LAMA2: variants seen among roughly 807,000 people sequenced by gnomAD.
The protein encoded by LAMA2 is laminin subunit alpha 2, also known as laminin subunit alpha-2.
LAMA2 carries 269 observed loss-of-function variants against 364.8 expected under a neutral mutation model. The ratio of observed to expected loss-of-function variants is 0.74; its 90% CI spans 0.67 to 0.82. The LOEUF is 0.82. Ranked by LOEUF, LAMA2 falls within the 40% of genes least tolerant of loss-of-function variation. LAMA2 has a pLI of 0.00. For synonymous variants in LAMA2, 1,379 were observed against 1,370.6 expected, an observed-to-expected ratio of 1.01 and a Z score of -0.14; for missense variants, 3,807 against 3,873.2, an observed-to-expected ratio of 0.98 and a Z score of 0.45.
intron 4 of LAMA2, among the ~76,000 whole-genome samples, chr6:129,099,642 C>G (rs1277383072): frequency 6.6e-6 from 1 of 152,164 alleles, no homozygotes; most frequent in East Asian, 1.9e-4. Flanking sequence ...TCATGCCCAC[C>G]CCAGCCAATC....
chr6:128,940,988 A>T (rs1486870197), intron 1 of LAMA2, among the ~76,000 whole-genome samples: 3 of 152,170 alleles, frequency 2.0e-5, no homozygotes, highest in African/African-American at 7.2e-5. Flanking sequence ...TTTAATAAGC[A>T]GAATATTAGT....
intron 1 of LAMA2, among the ~76,000 whole-genome samples, chr6:129,043,661 A>G (rs1787262424): frequency 6.6e-6 from 1 of 151,634 alleles, no homozygotes; most frequent in Non-Finnish European, 1.5e-5. Context: ...GTTACTTTTT[A>G]TTGCTTCCTT....
chr6:129,223,204 G>A (rs1490557859), intron 12 of LAMA2, among the ~76,000 whole-genome samples: 1 of 152,038 alleles, frequency 6.6e-6, no homozygotes, highest in African/African-American at 2.4e-5. Flanking sequence ...TTTTTTTCTT[G>A]TAAGTTTGTT....
intron 63 of LAMA2, among the ~76,000 whole-genome samples, 170 bp from the exon 64 acceptor site, chr6:129,514,203 T>C (rs1786836803): frequency 2.0e-5 from 3 of 152,228 alleles, no homozygotes; most frequent in African/African-American, 7.2e-5. Context: ...TGATTAGATT[T>C]ATACTTTAAT....
At chr6:129,069,025 C>A (rs1403056540) in intron 3 of LAMA2, among the ~76,000 whole-genome samples, 1 of 151,890 alleles carries the variant, frequency 6.6e-6, no homozygotes, top group African/African-American at 2.4e-5. Flanking sequence ...ATTTTGGAGA[C>A]CCAGATCCTA....
chr6:129,188,370 T>C (rs1781351423), intron 10 of LAMA2, among the ~76,000 whole-genome samples: 1 of 151,948 alleles, frequency 6.6e-6, no homozygotes, highest in African/African-American at 2.4e-5. Context: ...TCTGCAAATT[T>C]CTAATTGTTG....
chr6:128,935,377 C>T (rs1779755665), intron 1 of LAMA2, among the ~76,000 whole-genome samples: 1 of 152,024 alleles, frequency 6.6e-6, no homozygotes, highest in South Asian at 2.1e-4. Flanking sequence ...CATCCATGTC[C>T]CTGCAAAGGA....
At chr6:129,312,037 AT>A (rs908436643) in intron 22 of LAMA2, among the ~76,000 whole-genome samples, 105 of 144,164 alleles carry the variant, frequency 7.3e-4, no homozygotes, top group African/African-American at 2.9e-3. Flanking sequence ...GAAAAAGAAA[AT>A]TGATTAATTA....
intron 1 of LAMA2, among the ~76,000 whole-genome samples, chr6:128,950,739 TATA>T (rs1780763993): frequency 6.6e-6 from 1 of 152,106 alleles, no homozygotes; most frequent in Non-Finnish European, 1.5e-5. Context: ...TATACATGTA[TATA>T]ATAATACATC....
At chr6:129,515,402 A>G (rs1042858964) in intron 64 of LAMA2, among the ~76,000 whole-genome samples, 16 of 152,234 alleles carry the variant, frequency 1.1e-4, no homozygotes, top group African/African-American at 3.4e-4. Flanking sequence ...TGTTTTAAAA[A>G]GATCTTTTGC....
At chr6:129,241,643 C>G (rs1456569763) in intron 12 of LAMA2, among the ~76,000 whole-genome samples, 2 of 152,162 alleles carry the variant, frequency 1.3e-5, no homozygotes, top group Non-Finnish European at 2.9e-5. Context: ...ACAACCAGCT[C>G]TGGAAAATCT....
intron 1 of LAMA2, among the ~76,000 whole-genome samples, chr6:129,034,541 G>A (rs746648346): frequency 4.0e-5 from 6 of 151,898 alleles, no homozygotes; most frequent in Non-Finnish European, 7.4e-5. Flanking sequence ...TTGTGTAATG[G>A]TGAGGTTTGG....
At chr6:129,038,637 A>G (rs1282249112) in intron 1 of LAMA2, among the ~76,000 whole-genome samples, 4 of 152,014 alleles carry the variant, frequency 2.6e-5, no homozygotes, top group African/African-American at 9.7e-5. Flanking sequence ...TCATTATCTG[A>G]TTTTCCTTAT....
chr6:129,167,904 C>T (rs1453999872), intron 9 of LAMA2, among the ~76,000 whole-genome samples: 1 of 150,608 alleles, frequency 6.6e-6, no homozygotes, highest in Non-Finnish European at 1.5e-5. Context: ...TTGCATTTCT[C>T]TGATGGCCAG....
At position 129,126,634 on chromosome 6, in the gene LAMA2, A is replaced by T. The variant is rs145676524; in HGVS notation, c.640-17267A>T. 4.1e-3 allele frequency among the ~76,000 whole-genome samples: 624 copies of T among 152,322 alleles called. 4 individuals carry two copies. Among genetic ancestry groups the T allele is most frequent in the African/African-American group, 0.014 (600 of 41,564 alleles). On this transcript the variant is annotated intron_variant, in intron 4 of 64. Coordinates refer to ENST00000421865, the MANE Select transcript of LAMA2 (RefSeq NM_000426.4). ...CAAAGAAAGCCAGAATCAAAACCCAATTTTGAATATCAAGTGTTAAATATG... is the reference window on the plus strand; with the variant it reads ...CAAAGAAAGCCAGAATCAAAACCCATTTTTGAATATCAAGTGTTAAATATG...
In LAMA2 at chr6:128,998,545, C is replaced by T. The variant is rs1040369858; in HGVS notation, c.113-51373C>T. 8.0e-5 allele frequency among the ~76,000 whole-genome samples: 8 copies of T among 100,544 alleles called. 1 individual carries two copies. In the East Asian group the frequency reaches 1.0e-3, roughly 13 times the overall value. The allele number at this position is 100,544 out of a possible 152,430, so 66.0% of individuals were successfully genotyped here. A position where few individuals can be genotyped will look rare whatever the true frequency, so the allele number is the denominator to read the frequency against. On this transcript the variant is annotated intron_variant, in intron 1 of 64. Transcript: ENST00000421865. ...GGCGCAGGCCAGTGTGTGTGCGCACCGTGCGCGAGCCGAAGCAGGGCGAGG... is the reference window on the plus strand; with the variant it reads ...GGCGCAGGCCAGTGTGTGTGCGCACTGTGCGCGAGCCGAAGCAGGGCGAGG...
At chr6:129,104,924 G>A (rs150044256) in intron 4 of LAMA2, among the ~76,000 whole-genome samples, 11 of 152,262 alleles carry the variant, frequency 7.2e-5, no homozygotes, top group Non-Finnish European at 1.5e-4. Context: ...TGAGATAATC[G>A]TAAGGTATCA....
chr6:128,966,916 A>G (rs1212071548), intron 1 of LAMA2, among the ~76,000 whole-genome samples: 2 of 152,226 alleles, frequency 1.3e-5, no homozygotes, highest in Non-Finnish European at 2.9e-5. Flanking sequence ...ATTTCATTGT[A>G]GATGTATTGC....
intron 42 of LAMA2, among the ~76,000 whole-genome samples, chr6:129,439,070 C>T (rs1454296448): frequency 6.6e-6 from 1 of 151,590 alleles, no homozygotes; most frequent in African/African-American, 2.4e-5. Context: ...TCCAGGACCC[C>T]CCCCCACAGA....
Sources: allele counts gnomAD v4.1 joint callset (sites outside exome capture counted in the v4.1 genomes callset), GRCh38; gene constraint gnomAD v4.1.1; transcripts MANE v1.5; gene names NCBI Gene and HGNC (gene_info 2026-07-23, HGNC 2026-07-21).